CARMIL1: variants seen among roughly 807,000 people sequenced by gnomAD.
The protein encoded by CARMIL1 is F-actin-uncapping protein LRRC16A.
Under a neutral mutation model 177.1 loss-of-function variants are expected in CARMIL1, and 90 were observed. The ratio of observed to expected loss-of-function variants is 0.51; its 90% CI spans 0.43 to 0.61. The LOEUF (loss-of-function observed/expected upper bound fraction) is 0.61. Among genes scored for constraint, CARMIL1 ranks in the 20% least tolerant of loss-of-function variants. The probability of loss-of-function intolerance (pLI) is 0.00; values close to 1 mark genes in which losing one functional copy is unlikely to be tolerated. For missense variants in CARMIL1, 1,380 were observed against 1,667.0 expected, an observed-to-expected ratio of 0.83 and a Z score of 3.00; for synonymous variants, 577 against 606.2, an observed-to-expected ratio of 0.95 and a Z score of 0.71.
intron 9 of CARMIL1, among the ~76,000 whole-genome samples, chr6:25,466,947 C>T (rs1318671500): frequency 2.0e-5 from 3 of 152,150 alleles, no homozygotes; most frequent in African/African-American, 7.2e-5. Context: ...CTTACCTGAC[C>T]TTCCAGGGCC....
chr6:25,353,455 G>C (rs1257660165), intron 2 of CARMIL1, among the ~76,000 whole-genome samples: 1 of 152,080 alleles, frequency 6.6e-6, no homozygotes, highest in Non-Finnish European at 1.5e-5. Flanking sequence ...CTGATCTCTT[G>C]CCATGTGTCT....
At chr6:25,451,985 T>TGGGGGGGGGGGGGGGGGGGGGGG in intron 8 of CARMIL1, 1 of 105,382 alleles carries the variant, frequency 9.5e-6, no homozygotes, top group Non-Finnish European at 1.8e-5. Context: ...ACTAGCATCT[T>TGGGGGGGGGGGGGGGGGGGGGGG]GCCCCCCCCT....
At chr6:25,436,284 A>G (rs986862620) in intron 5 of CARMIL1, among the ~76,000 whole-genome samples, 1 of 152,208 alleles carries the variant, frequency 6.6e-6, no homozygotes, top group Non-Finnish European at 1.5e-5. Flanking sequence ...CCCTAAAATA[A>G]TAGGTATAGT....
At chr6:25,293,498 G>A in intron 2 of CARMIL1, among the ~76,000 whole-genome samples, 1 of 151,988 alleles carries the variant, frequency 6.6e-6, no homozygotes, top group East Asian at 1.9e-4. Flanking sequence ...AGATCCTCCT[G>A]TGTCAGCCTC....
intron 12 of CARMIL1, among the ~76,000 whole-genome samples, chr6:25,487,400 A>C (rs554616270): frequency 1.3e-5 from 2 of 152,196 alleles, no homozygotes; most frequent in Non-Finnish European, 2.9e-5. Context: ...CTGGTTCTTT[A>C]GAGTAGTTGA....
Position 25,540,020 on chromosome 6 carries a change from A to G in CARMIL1, c.2270A>G (p.Gln757Arg). ...GASGLLSSPI[Q>R]ETLESMAGEV... ...AGTGGCTTACTATCCAGTCCAATTC[A>G]GGAGACCCTGGAATCAATGGCTGGA... The change falls in exon 26 of 37, where the codon CAG (glutamine) becomes CGG (arginine). Residue 757 changes from glutamine (Q) to arginine (R), a missense_variant. Transcript: ENST00000329474. The G allele has an allele frequency of 6.2e-7, 1 of 1,609,654 alleles. No individual in the cohort carries two copies. The highest frequency in any genetic ancestry group is 1.7e-5 in the Admixed American group (1 of 59,434).
At chr6:25,406,103 G>T (rs1255615900) in intron 2 of CARMIL1, among the ~76,000 whole-genome samples, 1 of 152,138 alleles carries the variant, frequency 6.6e-6, no homozygotes, top group South Asian at 2.1e-4. Flanking sequence ...TAATGGGGCT[G>T]GTAGATATTA....
At chr6:25,488,369 A>G (rs978328173) in intron 12 of CARMIL1, 113 bp from the exon 13 acceptor site, 1 of 800,534 alleles carries the variant, frequency 1.2e-6, no homozygotes, top group Non-Finnish European at 2.2e-6. Context: ...GACAGTGCTC[A>G]TGGTTAACCT....
At chr6:25,304,949 G>A (rs1441918090) in intron 2 of CARMIL1, among the ~76,000 whole-genome samples, 1 of 152,192 alleles carries the variant, frequency 6.6e-6, no homozygotes, top group Non-Finnish European at 1.5e-5. Flanking sequence ...ATTTTGATGA[G>A]GTTAAAATCC....
chr6:25,452,929 C>T lies in CARMIL1; in HGVS notation c.614+2218C>T, dbSNP rs1209934563. ...ATAAGTTGCAATGTAGAATCAGAAC[C>T]ATATCAATGAACTTTTTTGTATTTT... is the stretch of plus-strand genomic sequence containing the variant. On this transcript the variant is annotated intron_variant, in intron 8 of 36. Coordinates refer to ENST00000329474, the MANE Select transcript of CARMIL1 (RefSeq NM_017640.6). Among the ~76,000 whole-genome samples the T allele has an allele frequency of 3.9e-5, 6 of 152,160 alleles. No individual in the cohort carries two copies. The East Asian group carries it at 1.2e-3, about 29-fold the overall frequency.
At chr6:25,328,186 G>A (rs1467167388) in intron 2 of CARMIL1, among the ~76,000 whole-genome samples, 2 of 152,330 alleles carry the variant, frequency 1.3e-5, no homozygotes, top group Admixed American at 6.5e-5. Context: ...AAGAGTATGT[G>A]TGGAGGAGGA....
chr6:25,508,338 T>G (rs988041899), intron 17 of CARMIL1, among the ~76,000 whole-genome samples: 6 of 152,214 alleles, frequency 3.9e-5, no homozygotes, highest in African/African-American at 1.4e-4. Context: ...ACCAGTCCCT[T>G]GGAGAGGTCT....
At chr6:25,324,790 G>C (rs1470997936) in intron 2 of CARMIL1, among the ~76,000 whole-genome samples, 4 of 152,114 alleles carry the variant, frequency 2.6e-5, no homozygotes, top group Non-Finnish European at 5.9e-5. Flanking sequence ...CAGGGAAGGG[G>C]GGGTGTTTAG....
intron 32 of CARMIL1, among the ~76,000 whole-genome samples, chr6:25,595,907 G>A (rs1178628644): frequency 6.6e-6 from 1 of 152,000 alleles, no homozygotes; most frequent in Non-Finnish European, 1.5e-5. Flanking sequence ...AATGTCTAAC[G>A]CAGCCCATAA....
rs1210351020 is a variant in CARMIL1 at position 25,504,137 on chromosome 6, C to T, written c.1395+3902C>T. ...TTTTTGATCCAGATTTAGTTCTTCTCCTGGTAGGGGGAATAAATCCAGTGA... is the reference window on the plus strand; with the variant it reads ...TTTTTGATCCAGATTTAGTTCTTCTTCTGGTAGGGGGAATAAATCCAGTGA... On this transcript the variant is annotated intron_variant, in intron 17 of 36. Coordinates refer to ENST00000329474, the MANE Select transcript of CARMIL1 (RefSeq NM_017640.6). Among the ~76,000 whole-genome samples, 4 of 151,974 alleles carry T rather than the reference C, an allele frequency of 2.6e-5. No homozygotes were observed. In the East Asian group the frequency reaches 7.7e-4, roughly 29 times the overall value.
At chr6:25,578,565 C>T (rs1431321980) in intron 29 of CARMIL1, among the ~76,000 whole-genome samples, 1 of 151,770 alleles carries the variant, frequency 6.6e-6, no homozygotes, top group Non-Finnish European at 1.5e-5. Context: ...GAATTACTTC[C>T]AAAGAAAAGT....
At chr6:25,414,603 C>G (rs1795208459) in intron 2 of CARMIL1, among the ~76,000 whole-genome samples, 1 of 152,054 alleles carries the variant, frequency 6.6e-6, no homozygotes, top group Admixed American at 6.6e-5. Context: ...TGAATGTAGC[C>G]CCATTAATTG....
chr6:25,582,858 T>C (rs891320912), intron 31 of CARMIL1, among the ~76,000 whole-genome samples: 2 of 152,188 alleles, frequency 1.3e-5, no homozygotes, highest in Non-Finnish European at 2.9e-5. Flanking sequence ...TTGTGTTACA[T>C]AGTCCCTAAG....
intron 32 of CARMIL1, among the ~76,000 whole-genome samples, chr6:25,596,842 AAC>A (rs1041676588): frequency 5.9e-5 from 6 of 102,288 alleles, no homozygotes; most frequent in African/African-American, 2.6e-4. Flanking sequence ...TCTGTCACCA[AAC>A]ACACAGACAC....
Sources: allele counts gnomAD v4.1 joint callset (sites outside exome capture counted in the v4.1 genomes callset), GRCh38; gene constraint gnomAD v4.1.1; transcripts MANE v1.5; gene names NCBI Gene and HGNC (gene_info 2026-07-23, HGNC 2026-07-21).